Variants in FHL2 observed in about 807,000 individuals in gnomAD.
FHL2 encodes four and a half LIM domains protein 2.
FHL2 carries 20 observed loss-of-function variants against 32.7 expected under a neutral mutation model. The observed-to-expected ratio is 0.61, with a 90% CI of 0.43 to 0.89. The LOEUF (loss-of-function observed/expected upper bound fraction) is 0.89. Among genes scored for constraint, FHL2 ranks in the 40% least tolerant of loss-of-function variants. The pLI, the probability that FHL2 is intolerant of heterozygous loss-of-function variation, is 0.00. For synonymous variants in FHL2, 123 were observed against 128.1 expected (o/e 0.96, Z 0.27); for missense variants, 311 against 358.6 (o/e 0.87, Z 1.07).
intron 1 of FHL2, among the ~76,000 whole-genome samples, chr2:105,431,740 T>C (rs1354422596): frequency 3.3e-5 from 5 of 152,272 alleles, no homozygotes; most frequent in Non-Finnish European, 7.3e-5. Context: ...GTTACAAATA[T>C]GATCGCAAAT....
chr2:105,405,871 A>T (rs992737494), intron 1 of FHL2, among the ~76,000 whole-genome samples: 3 of 152,224 alleles, frequency 2.0e-5, no homozygotes, highest in African/African-American at 7.2e-5. Context: ...TCTTTACATT[A>T]TCTGTGAAAT....
intron 6 of FHL2, among the ~76,000 whole-genome samples, chr2:105,362,827 T>C (rs907793050): frequency 6.6e-6 from 1 of 152,196 alleles, no homozygotes; most frequent in Non-Finnish European, 1.5e-5. Flanking sequence ...AAAAACTCCT[T>C]AGAATGTACC....
chr2:105,410,052 G>C (rs1323629603), intron 1 of FHL2, among the ~76,000 whole-genome samples: 1 of 152,244 alleles, frequency 6.6e-6, no homozygotes, highest in Non-Finnish European at 1.5e-5. Flanking sequence ...GCTGGAAGCT[G>C]AGTCTGCCAT....
chr2:105,423,970 A>AGACTTCAT (rs1247880798), intron 1 of FHL2, among the ~76,000 whole-genome samples: 2 of 152,182 alleles, frequency 1.3e-5, no homozygotes, highest in African/African-American at 4.8e-5. Context: ...GCATGGGCAA[A>AGACTTCAT]GACTTCATGA....
chr2:105,419,260 A>C (rs1362478268), intron 1 of FHL2, among the ~76,000 whole-genome samples: 2 of 152,134 alleles, frequency 1.3e-5, no homozygotes, highest in Non-Finnish European at 2.9e-5. Context: ...TTGGTTACGT[A>C]AGTAAGTTCT....
At chr2:105,406,449 T>C (rs1442897770) in intron 1 of FHL2, among the ~76,000 whole-genome samples, 1 of 112,268 alleles carries the variant, frequency 8.9e-6, no homozygotes, top group Non-Finnish European at 1.8e-5. Context: ...GAGGGCTTTT[T>C]CTTATCTTTT....
intron 6 of FHL2, among the ~76,000 whole-genome samples, chr2:105,362,385 C>CT (rs1163947741): frequency 2.6e-5 from 4 of 152,140 alleles, no homozygotes; most frequent in African/African-American, 9.7e-5. Flanking sequence ...GGTGAGTTAG[C>CT]TGAGTTAGGT....
At chr2:105,397,020 T>TTTG (rs1553421530) in intron 1 of FHL2, 2 of 218,722 alleles carry the variant, frequency 9.1e-6, no homozygotes, top group Admixed American at 5.6e-5. Flanking sequence ...GTTTTTTTTT[T>TTTG]TTTTTTTTTT....
intron 2 of FHL2, among the ~76,000 whole-genome samples, chr2:105,387,821 C>T (rs1682429592): frequency 1.3e-5 from 2 of 152,220 alleles, no homozygotes; most frequent in South Asian, 2.1e-4. Context: ...TTCATTGCAG[C>T]ACTCTTCACA....
At position 105,434,309 on chromosome 2, in the gene FHL2, C is replaced by T. The variant is rs548215177; in HGVS notation, c.-25+4090G>A. 1.8e-4 allele frequency among the ~76,000 whole-genome samples: 28 copies of T among 152,358 alleles called. No individual in the cohort carries two copies. The South Asian group carries it at 2.3e-3, about 12-fold the overall frequency. ...GACATTGACCAGGCACGGTGGCTCA[C>T]GCCTGTAATCCTAGTACTTTGGGAG... On this transcript the variant is annotated intron_variant, in intron 1 of 5. Transcript: ENST00000393352.
intron 1 of FHL2, among the ~76,000 whole-genome samples, chr2:105,418,746 C>A (rs1476619095): frequency 6.6e-6 from 1 of 152,134 alleles, no homozygotes; most frequent in East Asian, 1.9e-4. Context: ...TACTCATGGT[C>A]CACTGTGGGG....
intron 2 of FHL2, among the ~76,000 whole-genome samples, chr2:105,392,459 C>A (rs1451124554): frequency 6.6e-6 from 1 of 151,738 alleles, no homozygotes; most frequent in Non-Finnish European, 1.5e-5. Flanking sequence ...AGGAAACAGC[C>A]TCATGGTGAC....
intron 1 of FHL2, among the ~76,000 whole-genome samples, chr2:105,413,344 A>T (rs2104658497): frequency 6.6e-6 from 1 of 152,338 alleles, no homozygotes; most frequent in East Asian, 1.9e-4. Flanking sequence ...AGTCAGACTA[A>T]CGAAACGATT....
In FHL2 at chr2:105,366,068, G is replaced by C. The variant is rs554762258; in HGVS notation, c.501+1502C>G. Among the ~76,000 whole-genome samples, 12 of 151,658 alleles carry C rather than the reference G, an allele frequency of 7.9e-5. No individual in the cohort carries two copies. In the East Asian group the frequency reaches 2.4e-3, roughly 30 times the overall value. On this transcript the variant is annotated intron_variant, in intron 5 of 6. Coordinates refer to ENST00000530340, the MANE Select transcript of FHL2 (RefSeq NM_001318895.3). Reference sequence around the variant, plus strand: ...TAAAAATACAAAAAAAACCGGCTGGGCATGGTGACGCACGCCTGTAATCTC... The same window carrying C: ...TAAAAATACAAAAAAAACCGGCTGGCCATGGTGACGCACGCCTGTAATCTC...
intron 3 of FHL2, chr2:105,377,916 C>T (rs73945098): frequency 3.2e-4 from 127 of 397,962 alleles, no homozygotes; most frequent in African/African-American, 2.4e-3. Flanking sequence ...AGGCATTACG[C>T]CCAGAGGGGT....
intron 1 of FHL2, among the ~76,000 whole-genome samples, chr2:105,421,066 C>T (rs1441059996): frequency 1.3e-5 from 2 of 152,190 alleles, no homozygotes; most frequent in Non-Finnish European, 2.9e-5. Context: ...GTGTCCCTGT[C>T]CTATACTGGA....
At position 105,373,728 on chromosome 2, in the gene FHL2, C is replaced by T. The variant is rs903879732; in HGVS notation, c.162G>A (p.Leu54=). ...GKPIGCDCKD[L]SYKDRHWHEA... is the part of the protein sequence containing the mutation. ...CATGCCAGTGCCGGTCCTTGTAAGA[C>T]AAGTCCTGTGGGGCCAGACCACACA... Residue 54 remains leucine, a synonymous_variant, in exon 4 of 7, where the codon TTG becomes TTA. Transcript: ENST00000530340. 1.9e-6 allele frequency: 3 copies of T among 1,613,786 alleles called. No individual in the cohort carries two copies. The highest frequency in any genetic ancestry group is 2.5e-6 in the Non-Finnish European group (3 of 1,180,046).
intron 1 of FHL2, among the ~76,000 whole-genome samples, chr2:105,421,738 G>A (rs1684108195): frequency 6.6e-6 from 1 of 152,142 alleles, no homozygotes; most frequent in Non-Finnish European, 1.5e-5. Flanking sequence ...ACCAAGAGAG[G>A]TATCCCAGCC....
intron 1 of FHL2, among the ~76,000 whole-genome samples, chr2:105,432,354 A>G (rs1684462887): frequency 6.6e-6 from 1 of 152,168 alleles, no homozygotes; most frequent in Non-Finnish European, 1.5e-5. Context: ...TTTTTCTCTG[A>G]ACCTAACTGA....
Sources: allele counts gnomAD v4.1 joint callset (sites outside exome capture counted in the v4.1 genomes callset), GRCh38; gene constraint gnomAD v4.1.1; transcripts MANE v1.5; gene names NCBI Gene and HGNC (gene_info 2026-07-23, HGNC 2026-07-21).